The following PALLD variants were observed in gnomAD, a reference collection of about 807,000 sequenced individuals.
The protein encoded by PALLD is palladin, cytoskeletal associated protein, also known as palladin.
In PALLD, 61 loss-of-function variants were observed where a neutral mutation model predicts 123.5. That is an observed-to-expected ratio of 0.49 (90% confidence interval 0.40 to 0.61). PALLD has a LOEUF of 0.61. Among genes scored for constraint, PALLD ranks in the 20% least tolerant of loss-of-function variants. PALLD has a pLI of 0.00. For missense variants in PALLD, 1,273 were observed against 1,377.0 expected (o/e 0.92, Z 1.20); for synonymous variants, 465 against 496.4 (o/e 0.94, Z 0.84).
chr4:168,605,007 T>C (rs1773028281), intron 2 of PALLD, among the ~76,000 whole-genome samples: 1 of 152,220 alleles, frequency 6.6e-6, no homozygotes, highest in Admixed American at 6.5e-5. Context: ...CTTTTTTGTT[T>C]TGTGTTTGTC....
rs542672560 is a variant in PALLD, at chr4:168,511,136, C to T, written c.-82-287C>T. 2.4e-4 allele frequency among the ~76,000 whole-genome samples: 36 copies of T among 152,100 alleles called. No homozygotes were observed. In the South Asian group the frequency reaches 6.8e-3, roughly 29 times the overall value. On this transcript the variant is annotated intron_variant, in intron 1 of 21. Transcript: ENST00000505667. ...TCAATTAGAGTTTGAGTAAGGTGGG[C>T]GGGGGGCTGACTGTGAGCCCTATCC...
intron 10 of PALLD, among the ~76,000 whole-genome samples, chr4:168,801,906 A>G (rs755237611): frequency 6.6e-6 from 1 of 152,220 alleles, no homozygotes; most frequent in African/African-American, 2.4e-5. Context: ...ATAGGTAACA[A>G]CTAGATAATG....
At chr4:168,786,821 G>A (rs1736831702) in intron 10 of PALLD, among the ~76,000 whole-genome samples, 1 of 152,030 alleles carries the variant, frequency 6.6e-6, no homozygotes, top group African/African-American at 2.4e-5. Context: ...TTATAACACT[G>A]TTATTAATTA....
chr4:168,818,642 G>A (rs867869561), intron 10 of PALLD, among the ~76,000 whole-genome samples: 15 of 152,136 alleles, frequency 9.9e-5, no homozygotes, highest in South Asian at 2.1e-4. Flanking sequence ...ATACTTCTCA[G>A]TATTTGCCCT....
intron 10 of PALLD, among the ~76,000 whole-genome samples, chr4:168,826,998 A>G (rs1433517270): frequency 6.6e-6 from 1 of 152,102 alleles, no homozygotes; most frequent in Non-Finnish European, 1.5e-5. Context: ...CCTCACTCTC[A>G]TAAGCTCAGC....
chr4:168,910,382 C>G (rs1758684066), intron 15 of PALLD, among the ~76,000 whole-genome samples: 1 of 152,088 alleles, frequency 6.6e-6, no homozygotes, highest in African/African-American at 2.4e-5. Context: ...ACCTTTCAAG[C>G]ACCAGCAGAA....
chr4:168,844,793 T>A lies in PALLD; in HGVS notation c.1965-46129T>A, dbSNP rs566083508. On this transcript the variant is annotated intron_variant, in intron 10 of 21. Transcript: ENST00000505667. The surrounding 1 kb of genome is among the most constrained non-coding windows in gnomAD (Gnocchi z 4.5). ...AAAAAGCTAGCAGACACATCCAGTA[T>A]CATTTATTCAGCAAACATGTACTGA... 6.6e-6 allele frequency: 1 copy of A among 152,344 alleles called. No individual in the cohort carries two copies. Among genetic ancestry groups the A allele is most frequent in the South Asian group, 2.1e-4 (1 of 4,826 alleles). The allele number at this position is 152,344 out of a possible 1,614,324, so 9.4% of individuals were successfully genotyped here. A position where few individuals can be genotyped will look rare whatever the true frequency, so the allele number is the denominator to read the frequency against.
chr4:168,715,500 C>T (rs780891983), intron 10 of PALLD, among the ~76,000 whole-genome samples: 14 of 152,210 alleles, frequency 9.2e-5, no homozygotes, highest in Non-Finnish European at 1.8e-4. Flanking sequence ...ATAATCTTAA[C>T]AGGAGGAAAA....
At chr4:168,645,880 G>A (rs1286675053) in intron 2 of PALLD, among the ~76,000 whole-genome samples, 1 of 152,124 alleles carries the variant, frequency 6.6e-6, no homozygotes, top group Non-Finnish European at 1.5e-5. Flanking sequence ...GCTCAGGCAC[G>A]GGGCTGTAAT....
At chr4:168,702,058 T>G (rs1475387536) in intron 8 of PALLD, among the ~76,000 whole-genome samples, 1 of 152,222 alleles carries the variant, frequency 6.6e-6, no homozygotes, top group African/African-American at 2.4e-5. Flanking sequence ...ATGAATCATT[T>G]GGATAATGAG....
At chr4:168,616,222 G>A (rs1277831892) in intron 2 of PALLD, among the ~76,000 whole-genome samples, 2 of 152,146 alleles carry the variant, frequency 1.3e-5, no homozygotes, top group Admixed American at 1.3e-4. Context: ...GAATCGCACA[G>A]AGAAGGAATT....
chr4:168,713,167 G>A (rs1306796477), intron 10 of PALLD, among the ~76,000 whole-genome samples: 1 of 152,202 alleles, frequency 6.6e-6, no homozygotes, highest in Non-Finnish European at 1.5e-5. Context: ...TTTTAAGACA[G>A]TAGGGCTACT....
intron 10 of PALLD, among the ~76,000 whole-genome samples, chr4:168,790,453 C>G (rs1026039993): frequency 6.6e-6 from 1 of 151,936 alleles, no homozygotes; most frequent in Non-Finnish European, 1.5e-5. Flanking sequence ...AGCCACCATG[C>G]CTGGCATCTT....
intron 2 of PALLD, among the ~76,000 whole-genome samples, chr4:168,617,452 G>A (rs918812579): frequency 1.3e-5 from 2 of 152,160 alleles, no homozygotes; most frequent in Non-Finnish European, 2.9e-5. Context: ...GGGTTTCCAT[G>A]CTTGCAGATT....
chr4:168,639,829 C>G (rs969813355), intron 2 of PALLD, among the ~76,000 whole-genome samples: 5 of 152,214 alleles, frequency 3.3e-5, no homozygotes, highest in Non-Finnish European at 7.3e-5. Flanking sequence ...TAGGCGTGAG[C>G]CACCGTGCCC....
chr4:168,684,326 AC>A (rs1315111838), intron 5 of PALLD, among the ~76,000 whole-genome samples: 1 of 152,174 alleles, frequency 6.6e-6, no homozygotes, highest in Admixed American at 6.5e-5. Flanking sequence ...AAGGTAATTT[AC>A]CCCATGTTTA....
chr4:168,620,876 C>T (rs1383617512), intron 2 of PALLD, among the ~76,000 whole-genome samples: 1 of 152,202 alleles, frequency 6.6e-6, no homozygotes, highest in Non-Finnish European at 1.5e-5. Context: ...TCCCCCACTT[C>T]TTTTAAAATA....
At chr4:168,580,457 T>C (rs1770136786) in intron 2 of PALLD, among the ~76,000 whole-genome samples, 1 of 151,894 alleles carries the variant, frequency 6.6e-6, no homozygotes. Context: ...ATGGCTACTA[T>C]AACAGACAAA....
chr4:168,655,241 G>C (rs1444651252), intron 2 of PALLD, among the ~76,000 whole-genome samples: 1 of 152,194 alleles, frequency 6.6e-6, no homozygotes, highest in Non-Finnish European at 1.5e-5. Flanking sequence ...AAGAACAAGG[G>C]AAAAGCATTC....
Sources: gnomAD v4.1 joint callset for allele counts (sites outside exome capture counted in the v4.1 genomes callset) on GRCh38, gnomAD v4.1.1 for gene constraint, Gnocchi (gnomAD v3.1) non-coding constraint, MANE v1.5 for transcripts, NCBI Gene and HGNC (gene_info 2026-07-23, HGNC 2026-07-21) for gene names.